Variants in FGD4 observed in about 807,000 individuals in gnomAD.
FGD4 encodes FYVE, RhoGEF and PH domain containing 4.
In FGD4, 42 loss-of-function variants were observed where a neutral mutation model predicts 102.0. The ratio of observed to expected loss-of-function variants is 0.41; its 90% confidence interval spans 0.32 to 0.53. The LOEUF (loss-of-function observed/expected upper bound fraction) is 0.53, where lower values mean the gene tolerates loss of function less well. Ranked by LOEUF, FGD4 falls within the 20% of genes least tolerant of loss-of-function variation. The probability of loss-of-function intolerance (pLI) is 0.21; values close to 1 mark genes in which losing one functional copy is unlikely to be tolerated. For missense variants in FGD4, 902 were observed against 1,078.2 expected (o/e 0.84, Z 2.29); for synonymous variants, 380 against 375.7 (o/e 1.01, Z -0.13).
chr12:32,530,391 G>T (rs1042959665), intron 1 of FGD4, among the ~76,000 whole-genome samples: 1 of 152,176 alleles, frequency 6.6e-6, no homozygotes, highest in Non-Finnish European at 1.5e-5. Context: ...GCTGAGCCAT[G>T]AGAATTGCTT....
chr12:32,552,263 CTTTG>C (rs1361215949), intron 1 of FGD4, among the ~76,000 whole-genome samples: 3 of 151,888 alleles, frequency 2.0e-5, no homozygotes, highest in African/African-American at 4.8e-5. Context: ...TTATTTGTTT[CTTTG>C]TTTGTTTTTT....
chr12:32,404,902 T>C (rs1019253564), intron 1 of FGD4, among the ~76,000 whole-genome samples: 1 of 152,126 alleles, frequency 6.6e-6, no homozygotes, highest in African/African-American at 2.4e-5. Context: ...CTTATAAGAA[T>C]TTCCTTCCAA....
intron 14 of FGD4, among the ~76,000 whole-genome samples, chr12:32,626,148 A>C (rs1233408849): frequency 6.6e-6 from 1 of 152,222 alleles, no homozygotes; most frequent in Non-Finnish European, 1.5e-5. Flanking sequence ...TTGATGCTTA[A>C]AAGATTGAGA....
chr12:32,476,346 G>A (rs897383497), intron 1 of FGD4, among the ~76,000 whole-genome samples: 4 of 152,052 alleles, frequency 2.6e-5, no homozygotes, highest in Admixed American at 1.3e-4. Context: ...ATTTTCTCAC[G>A]CATGGTCTTG....
chr12:32,450,376 A>G (rs764268529), intron 1 of FGD4, among the ~76,000 whole-genome samples: 3 of 151,852 alleles, frequency 2.0e-5, no homozygotes, highest in Non-Finnish European at 4.4e-5. Context: ...CAGGCCACCT[A>G]TTTTTTTTAT....
At chr12:32,619,632 A>G (rs75798711) in intron 10 of FGD4, 66 bp from the exon 11 acceptor site, 6 of 1,523,568 alleles carry the variant, frequency 3.9e-6, no homozygotes, top group Non-Finnish European at 5.4e-6. Context: ...ACTCTGTCTC[A>G]AAAAAAAACC....
chr12:32,421,293 G>C (rs941667633), intron 1 of FGD4, among the ~76,000 whole-genome samples: 6 of 152,166 alleles, frequency 3.9e-5, no homozygotes, highest in African/African-American at 7.2e-5. Context: ...TCATATACTC[G>C]CATCAGCAAT....
At chr12:32,460,827 C>T (rs1388897693) in intron 1 of FGD4, among the ~76,000 whole-genome samples, 1 of 152,212 alleles carries the variant, frequency 6.6e-6, no homozygotes, top group African/African-American at 2.4e-5. Context: ...GACTGAGGCT[C>T]AGAAAAGTGT....
intron 2 of FGD4, among the ~76,000 whole-genome samples, chr12:32,574,398 A>G (rs1197594076): frequency 6.7e-6 from 1 of 148,214 alleles, no homozygotes. Flanking sequence ...TACTACTCAT[A>G]ATGTTAAAAG....
Position 32,638,810 on chromosome 12 carries a change from T to G in FGD4, c.2454+15T>G, listed in dbSNP as rs1193977914. On this transcript the variant is annotated intron_variant, in intron 16 of 16. Transcript: ENST00000534526. Reference sequence around the variant, plus strand: ...GTGCCCCCCAGGTATCTAAACCACATCTGTCTGAAGGGACAGATGCCCTTG... The same window carrying G: ...GTGCCCCCCAGGTATCTAAACCACAGCTGTCTGAAGGGACAGATGCCCTTG... 1.2e-6 allele frequency: 2 copies of G among 1,613,724 alleles called. No homozygotes were observed. The highest frequency in any genetic ancestry group is 2.7e-5 in the African/African-American group (2 of 74,898).
intron 4 of FGD4, among the ~76,000 whole-genome samples, chr12:32,598,068 A>T (rs1460050174): frequency 6.6e-6 from 1 of 152,208 alleles, no homozygotes; most frequent in African/African-American, 2.4e-5. Context: ...TGTTGGAATG[A>T]CAGGCATGAG....
At chr12:32,524,649 ACT>A (rs1001504347) in intron 1 of FGD4, among the ~76,000 whole-genome samples, 4 of 151,958 alleles carry the variant, frequency 2.6e-5, no homozygotes, top group Admixed American at 1.3e-4. Flanking sequence ...ACACAGGGAG[ACT>A]CTGACTCTAC....
chr12:32,434,955 T>C (rs1161012052), intron 1 of FGD4, among the ~76,000 whole-genome samples: 1 of 152,126 alleles, frequency 6.6e-6, no homozygotes, highest in South Asian at 2.1e-4. Flanking sequence ...TTTTCTTTTT[T>C]TTTTCTTTTC....
Position 32,640,785 on chromosome 12 carries a change from T to C in FGD4, c.*252T>C. Reference sequence around the variant, plus strand: ...GCTATTCCTTGAATATGTGCTTTTTTGTCTTGAAGAAATGGTGTATCAATT... The same window carrying C: ...GCTATTCCTTGAATATGTGCTTTTTCGTCTTGAAGAAATGGTGTATCAATT... On this transcript the variant is annotated 3_prime_UTR_variant, in exon 17 of 17. Coordinates refer to ENST00000534526, the MANE Select transcript of FGD4 (RefSeq NM_001370298.3). The C allele has an allele frequency of 1.6e-6, 1 of 610,192 alleles. No individual in the cohort carries two copies. The highest frequency in any genetic ancestry group is 2.0e-5 in the South Asian group (1 of 49,182). The allele number at this position is 610,192 out of a possible 1,614,324, so 37.8% of individuals were successfully genotyped here. A position where few individuals can be genotyped will look rare whatever the true frequency, so the allele number is the denominator to read the frequency against.
intron 7 of FGD4, among the ~76,000 whole-genome samples, chr12:32,607,377 G>C (rs963067401): frequency 4.6e-5 from 7 of 152,166 alleles, no homozygotes; most frequent in Non-Finnish European, 8.8e-5. Flanking sequence ...GTTGCAGTGA[G>C]ATCACACCAC....
intron 1 of FGD4, among the ~76,000 whole-genome samples, chr12:32,406,418 G>C (rs1023914010): frequency 6.6e-6 from 1 of 151,854 alleles, no homozygotes; most frequent in African/African-American, 2.4e-5. Context: ...GCCAGGCGTG[G>C]TGGTGGGCGC....
chr12:32,545,446 T>C (rs1282434838), intron 1 of FGD4, among the ~76,000 whole-genome samples: 1 of 152,234 alleles, frequency 6.6e-6, no homozygotes, highest in Non-Finnish European at 1.5e-5. Context: ...GTAAACTTTT[T>C]CTGTGAAGGG....
intron 1 of FGD4, among the ~76,000 whole-genome samples, chr12:32,548,213 C>G (rs1249244355): frequency 6.6e-6 from 1 of 152,054 alleles, no homozygotes; most frequent in Non-Finnish European, 1.5e-5. Context: ...ACGCTAGTAC[C>G]CTGTTGCGGC....
chr12:32,461,351 T>C (rs1943099397), intron 1 of FGD4, among the ~76,000 whole-genome samples: 2 of 152,226 alleles, frequency 1.3e-5, no homozygotes, highest in Admixed American at 1.3e-4. Flanking sequence ...CAAGCTCTAG[T>C]AACAGAAGTG....
Sources: allele counts gnomAD v4.1 joint callset (sites outside exome capture counted in the v4.1 genomes callset), GRCh38; gene constraint gnomAD v4.1.1; transcripts MANE v1.5; gene names NCBI Gene and HGNC (gene_info 2026-07-23, HGNC 2026-07-21).